Variants in KAZN observed in about 807,000 individuals in gnomAD.
KAZN encodes kazrin.
A neutral mutation model predicts 87.4 loss-of-function variants in KAZN; 40 were observed. The observed-to-expected ratio is 0.46, with a 90% CI of 0.36 to 0.60. The LOEUF (loss-of-function observed/expected upper bound fraction) is 0.60, where lower values mean the gene tolerates loss of function less well. Ranked by LOEUF, KAZN falls within the 20% of genes least tolerant of loss-of-function variation. The probability of loss-of-function intolerance (pLI) is 0.00; values close to 1 mark genes in which losing one functional copy is unlikely to be tolerated. For synonymous variants in KAZN, 466 were observed against 458.3 expected, an observed-to-expected ratio of 1.02 and a Z score of -0.22; for missense variants, 898 against 1,073.9, an observed-to-expected ratio of 0.84 and a Z score of 2.29.
chr1:14,005,240 G>A (rs921029790), intron 1 of KAZN, among the ~76,000 whole-genome samples: 13 of 152,168 alleles, frequency 8.5e-5, no homozygotes, highest in African/African-American at 2.9e-4. Flanking sequence ...GAGTTAGGTG[G>A]TTCTTGCAAG....
chr1:14,535,194 C>T (rs552355317), intron 2 of KAZN, among the ~76,000 whole-genome samples: 319 of 152,356 alleles, frequency 2.1e-3, no homozygotes, highest in Non-Finnish European at 2.1e-3. Flanking sequence ...CTCTCACCAG[C>T]ATTACAGGTT....
At chr1:14,841,405 CAAAAAAAAAAAAAAAA>C (rs57248871) in intron 1 of KAZN, among the ~76,000 whole-genome samples, 16 of 88,868 alleles carry the variant, frequency 1.8e-4, no homozygotes, top group African/African-American at 5.2e-4. Flanking sequence ...GACTCCGTCT[CAAAAAAAAAAAAAAAA>C]AAAAAAAAAA....
chr1:14,365,184 C>T (rs1382373686), intron 2 of KAZN, among the ~76,000 whole-genome samples: 2 of 152,076 alleles, frequency 1.3e-5, no homozygotes, highest in East Asian at 1.9e-4. Flanking sequence ...GCTGGTACTA[C>T]AAGTGCCCGC....
intron 2 of KAZN, among the ~76,000 whole-genome samples, chr1:15,020,535 C>T (rs927228433): frequency 2.0e-5 from 3 of 152,162 alleles, no homozygotes; most frequent in African/African-American, 7.2e-5. Flanking sequence ...AGTATATACT[C>T]ATCTGTGTCT....
intron 2 of KAZN, among the ~76,000 whole-genome samples, chr1:14,326,029 T>G (rs1037972084): frequency 1.3e-5 from 2 of 152,102 alleles, no homozygotes; most frequent in Non-Finnish European, 2.9e-5. Context: ...AGAAATCATC[T>G]CCACATTGAG....
intron 1 of KAZN, among the ~76,000 whole-genome samples, chr1:14,697,147 A>G: frequency 6.9e-6 from 1 of 145,194 alleles, no homozygotes; most frequent in Admixed American, 6.7e-5. Flanking sequence ...CAACAAAAAA[A>G]AAAAAAAAAA....
chr1:14,744,631 G>A (rs763895270), intron 1 of KAZN, among the ~76,000 whole-genome samples: 8 of 152,148 alleles, frequency 5.3e-5, no homozygotes, highest in African/African-American at 9.7e-5. Context: ...AGCTACTCGG[G>A]AGGCTGAGGC....
chr1:14,640,282 T>C (rs1680320628), intron 1 of KAZN, among the ~76,000 whole-genome samples: 2 of 152,234 alleles, frequency 1.3e-5, no homozygotes, highest in South Asian at 4.1e-4. Flanking sequence ...GAATATGCTC[T>C]GATACTATTG....
intron 2 of KAZN, among the ~76,000 whole-genome samples, chr1:14,962,644 T>TTTA (rs1476439350): frequency 6.6e-6 from 1 of 152,156 alleles, no homozygotes; most frequent in Admixed American, 6.5e-5. Flanking sequence ...CTTGCCAAGC[T>TTTA]TTATCATGTA....
chr1:14,177,359 T>A (rs893123430), intron 1 of KAZN, among the ~76,000 whole-genome samples: 44 of 152,358 alleles, frequency 2.9e-4, no homozygotes, highest in Admixed American at 1.2e-3. Flanking sequence ...GCAAGCATTC[T>A]TTTTTCATTT....
At chr1:14,688,045 C>T (rs1429232886) in intron 1 of KAZN, among the ~76,000 whole-genome samples, 2 of 152,124 alleles carry the variant, frequency 1.3e-5, no homozygotes, top group African/African-American at 2.4e-5. Context: ...TATAGGAACA[C>T]GCCAGTCATA....
chr1:14,126,042 T>C (rs1355954650), intron 1 of KAZN, among the ~76,000 whole-genome samples: 2 of 151,980 alleles, frequency 1.3e-5, no homozygotes, highest in Non-Finnish European at 2.9e-5. Flanking sequence ...TTGTTGTAAG[T>C]GGAAGGTGTA....
At position 14,820,874 on chromosome 1, in the gene KAZN, C is replaced by T. The variant is rs57864808; in HGVS notation, c.227-139810C>T. On this transcript the variant is annotated intron_variant, in intron 1 of 14. Coordinates refer to ENST00000376030, the MANE Select transcript of KAZN (RefSeq NM_201628.3). The surrounding 1 kb of genome is among the most constrained non-coding windows in gnomAD (Gnocchi z 4.1). ...CCCAAGATGGCCAGGAGAGAAGAGC[C>T]GAGGGGCAGGGTGAGCAAAAGGTGA... Among the ~76,000 whole-genome samples, 8,630 of 152,024 alleles carry T rather than the reference C, an allele frequency of 0.057. 787 individuals carry two copies. The highest frequency in any genetic ancestry group is 0.45 in the East Asian group (2,311 of 5,124).
chr1:14,863,273 G>T (rs1651076990), intron 1 of KAZN, among the ~76,000 whole-genome samples: 1 of 152,206 alleles, frequency 6.6e-6, no homozygotes, highest in Non-Finnish European at 1.5e-5. Context: ...TGGGCACCCT[G>T]AGTGCTCCAA....
At chr1:14,402,238 CAA>C (rs58468082) in intron 2 of KAZN, among the ~76,000 whole-genome samples, 2 of 140,274 alleles carry the variant, frequency 1.4e-5, no homozygotes, top group Non-Finnish European at 1.6e-5. Context: ...TTCTATAGGC[CAA>C]AAAAAAAAAA....
At chr1:14,963,121 T>G (rs774694885) in intron 2 of KAZN, among the ~76,000 whole-genome samples, 1 of 151,842 alleles carries the variant, frequency 6.6e-6, no homozygotes, top group African/African-American at 2.4e-5. Flanking sequence ...CAATCTTTAC[T>G]AACTCTGTGC....
chr1:14,393,187 C>T (rs1317526842), intron 2 of KAZN, among the ~76,000 whole-genome samples: 1 of 152,182 alleles, frequency 6.6e-6, no homozygotes, highest in East Asian at 1.9e-4. Flanking sequence ...TGCCACAGGA[C>T]TTGTCAGGGC....
At chr1:14,081,929 C>G (rs1318367487) in intron 1 of KAZN, among the ~76,000 whole-genome samples, 1 of 152,074 alleles carries the variant, frequency 6.6e-6, no homozygotes, top group Non-Finnish European at 1.5e-5. Flanking sequence ...TGCCATCGCC[C>G]CCAGCTAATT....
chr1:14,922,850 TC>T (rs1173489825), intron 1 of KAZN, among the ~76,000 whole-genome samples: 2 of 145,412 alleles, frequency 1.4e-5, no homozygotes, highest in Admixed American at 1.4e-4. Context: ...TAAGGCAGCC[TC>T]CGCAGCTGGG....
Sources: gnomAD v4.1 joint callset for allele counts (sites outside exome capture counted in the v4.1 genomes callset) on GRCh38, gnomAD v4.1.1 for gene constraint, Gnocchi (gnomAD v3.1) non-coding constraint, MANE v1.5 for transcripts, NCBI Gene and HGNC (gene_info 2026-07-23, HGNC 2026-07-21) for gene names.